Variants in BCO2 observed in about 807,000 individuals in gnomAD.
BCO2 encodes carotenoid-cleaving dioxygenase, mitochondrial.
In BCO2, 56 loss-of-function variants were observed where a neutral mutation model predicts 65.8. The observed-to-expected ratio is 0.85, with a 90% CI of 0.69 to 1.06. The LOEUF (loss-of-function observed/expected upper bound fraction) is 1.06, where lower values mean the gene tolerates loss of function less well. Among genes scored for constraint, BCO2 ranks in the 50% least tolerant of loss-of-function variants. The pLI, the probability that BCO2 is intolerant of heterozygous loss-of-function variation, is 0.00. For synonymous variants in BCO2, 233 were observed against 242.3 expected, an observed-to-expected ratio of 0.96 and a Z score of 0.36; for missense variants, 675 against 698.5, an observed-to-expected ratio of 0.97 and a Z score of 0.38.
chr11:112,181,461 G>A (rs367588505), intron 2 of BCO2: 27 of 667,316 alleles, frequency 4.0e-5, no homozygotes, highest in East Asian at 3.1e-4. Flanking sequence ...GATTACAGGC[G>A]TGAGCCACCG....
Position 112,193,732 on chromosome 11 carries a change from A to G in BCO2, c.517+35A>G. 3 of 1,579,238 alleles carry G rather than the reference A, an allele frequency of 1.9e-6. No homozygotes were observed. The South Asian group carries it at 3.4e-5, about 18-fold the overall frequency. On this transcript the variant is annotated intron_variant, in intron 3 of 11. Transcript: ENST00000357685. The stretch of plus-strand genomic sequence containing the variant: ...ATGATTATTTAAACTATTACGATAT[A>G]TAACCATCTATACAAACATAAATCT...
At chr11:112,201,967 G>A in intron 7 of BCO2, 56 bp from the exon 8 acceptor site, 1 of 1,451,360 alleles carries the variant, frequency 6.9e-7, no homozygotes. Context: ...TAAAGGAAAG[G>A]GAAAAAGAAG....
At chr11:112,203,631 A>G (rs1867792059) in intron 8 of BCO2, among the ~76,000 whole-genome samples, 2 of 152,186 alleles carry the variant, frequency 1.3e-5, no homozygotes, top group Non-Finnish European at 1.5e-5. Context: ...TTTAACAAAA[A>G]TCTCTGATAG....
chr11:112,216,201 C>T lies in BCO2; in HGVS notation c.1516-19C>T, dbSNP rs376609883. 6.3e-7 allele frequency: 1 copy of T among 1,583,648 alleles called. No individual in the cohort carries two copies. Among genetic ancestry groups the T allele is most frequent in the Admixed American group, 1.7e-5 (1 of 59,870 alleles). On this transcript the variant is annotated intron_variant, in intron 10 of 11. Coordinates refer to ENST00000357685, the MANE Select transcript of BCO2 (RefSeq NM_031938.7). ...CTTACTACTTGCCTTTTATCAAATG[C>T]TTTTTTTGGGACTTGCAGGTTTGGA...
chr11:112,215,297 T>C (rs1247404438), intron 10 of BCO2: 1 of 304,078 alleles, frequency 3.3e-6, no homozygotes, highest in Non-Finnish European at 6.2e-6. Context: ...TCCCTCTCTT[T>C]CTCCCATATT....
intron 5 of BCO2, among the ~76,000 whole-genome samples, chr11:112,198,135 A>G (rs921618290): frequency 6.6e-6 from 1 of 152,162 alleles, no homozygotes. Context: ...TACTTATTAT[A>G]TGATTTAAAA....
At chr11:112,210,387 C>A (rs1363526865) in intron 8 of BCO2, among the ~76,000 whole-genome samples, 1 of 152,100 alleles carries the variant, frequency 6.6e-6, no homozygotes, top group African/African-American at 2.4e-5. Context: ...ATGTTATTTT[C>A]CTCTAGAGAA....
At chr11:112,193,014 G>A (rs1403171461) in intron 2 of BCO2, among the ~76,000 whole-genome samples, 1 of 116,634 alleles carries the variant, frequency 8.6e-6, no homozygotes, top group Non-Finnish European at 1.6e-5. Flanking sequence ...GTCTCCCTCT[G>A]TCGCCCAGGC....
chr11:112,204,047 T>C (rs979875982), intron 8 of BCO2, among the ~76,000 whole-genome samples: 2 of 152,140 alleles, frequency 1.3e-5, no homozygotes, highest in African/African-American at 4.8e-5. Flanking sequence ...AGAGACCAGG[T>C]TTCACCATGT....
At chr11:112,179,130 A>G in intron 1 of BCO2, 148 bp from the exon 2 acceptor site, 1 of 643,974 alleles carries the variant, frequency 1.6e-6, no homozygotes, top group South Asian at 2.0e-5. Context: ...ATGAGGAAGG[A>G]GAGAGAAGAA....
intron 2 of BCO2, among the ~76,000 whole-genome samples, chr11:112,183,523 A>G (rs577035611): frequency 6.6e-6 from 1 of 152,328 alleles, no homozygotes; most frequent in East Asian, 1.9e-4. Flanking sequence ...TGGAAATACC[A>G]TCTTGGTTTG....
At chr11:112,198,584 C>A (rs1423480800) in intron 5 of BCO2, among the ~76,000 whole-genome samples, 1 of 152,012 alleles carries the variant, frequency 6.6e-6, no homozygotes, top group Non-Finnish European at 1.5e-5. Context: ...AATAGGGGCA[C>A]CAAGTGCCTT....
At chr11:112,187,782 A>G (rs1867245170) in intron 2 of BCO2, among the ~76,000 whole-genome samples, 2 of 151,786 alleles carry the variant, frequency 1.3e-5, no homozygotes, top group African/African-American at 4.8e-5. Flanking sequence ...ACCTTTTGGG[A>G]TGCTGTAGAG....
chr11:112,202,492 G>C (rs1366038671), intron 8 of BCO2, among the ~76,000 whole-genome samples: 1 of 151,918 alleles, frequency 6.6e-6, no homozygotes, highest in East Asian at 1.9e-4. Context: ...ATGTTGGCCA[G>C]ACTTGTCTCG....
intron 2 of BCO2, among the ~76,000 whole-genome samples, chr11:112,184,806 G>T (rs546561014): frequency 6.6e-6 from 1 of 152,158 alleles, no homozygotes; most frequent in East Asian, 1.9e-4. Flanking sequence ...TCTACCCCAA[G>T]TGCAGGGATA....
At chr11:112,179,247 A>AT (rs750013264) in intron 1 of BCO2, 31 bp from the exon 2 acceptor site, 6 of 1,595,996 alleles carry the variant, frequency 3.8e-6, no homozygotes, top group African/African-American at 1.3e-5. Flanking sequence ...TTGGTAAAAT[A>AT]TTTTTTGTGC....
At chr11:112,181,553 T>C (rs1867051328) in intron 2 of BCO2, 1 of 747,910 alleles carries the variant, frequency 1.3e-6, no homozygotes, top group Non-Finnish European at 2.5e-6. Context: ...GGACAGCTCA[T>C]TGTAAATGAT....
chr11:112,211,111 C>T (rs765890210), intron 8 of BCO2, among the ~76,000 whole-genome samples: 30 of 152,174 alleles, frequency 2.0e-4, no homozygotes, highest in African/African-American at 6.5e-4. Flanking sequence ...TCCCTGTTCC[C>T]CCCACCTCCA....
intron 8 of BCO2, among the ~76,000 whole-genome samples, chr11:112,203,543 G>C (rs116050365): frequency 1.3e-5 from 2 of 151,952 alleles, no homozygotes; most frequent in Non-Finnish European, 2.9e-5. Flanking sequence ...AAAATGGTTA[G>C]TATAGTGAGG....
Sources: allele counts gnomAD v4.1 joint callset (sites outside exome capture counted in the v4.1 genomes callset), GRCh38; gene constraint gnomAD v4.1.1; transcripts MANE v1.5; gene names NCBI Gene and HGNC (gene_info 2026-07-23, HGNC 2026-07-21).